CRACD: variants seen among roughly 807,000 people sequenced by gnomAD.
CRACD encodes capping protein-inhibiting regulator of actin dynamics.
A neutral mutation model predicts 106.8 loss-of-function variants in CRACD; 56 were observed. The ratio of observed to expected loss-of-function variants is 0.52; its 90% CI spans 0.42 to 0.66. The LOEUF is 0.66. CRACD is among the 30% of genes least tolerant of loss of function. CRACD has a pLI of 0.00. For synonymous variants in CRACD, 754 were observed against 670.8 expected, an observed-to-expected ratio of 1.12 and a Z score of -1.92; for missense variants, 1,730 against 1,623.2, an observed-to-expected ratio of 1.07 and a Z score of -1.13.
At chr4:56,138,710 G>A (rs1426455519) in intron 1 of CRACD, among the ~76,000 whole-genome samples, 3 of 152,148 alleles carry the variant, frequency 2.0e-5, no homozygotes, top group Admixed American at 6.5e-5. Flanking sequence ...TTATCATCCC[G>A]CATCAGGAGA....
At chr4:56,092,798 A>G (rs1303595926) in intron 1 of CRACD, among the ~76,000 whole-genome samples, 1 of 152,034 alleles carries the variant, frequency 6.6e-6, no homozygotes, top group East Asian at 1.9e-4. Flanking sequence ...GTAGAGTCAG[A>G]GTCTTGTGAT....
At chr4:56,235,353 A>G (rs770332981) in intron 2 of CRACD, among the ~76,000 whole-genome samples, 1 of 152,232 alleles carries the variant, frequency 6.6e-6, no homozygotes. Flanking sequence ...ATTTTGTGAG[A>G]TGTCTACGGG....
intron 2 of CRACD, among the ~76,000 whole-genome samples, chr4:56,238,887 GTAGT>G (rs1175286062): frequency 1.3e-5 from 2 of 152,114 alleles, no homozygotes; most frequent in Non-Finnish European, 2.9e-5. Flanking sequence ...CCTGAAATTT[GTAGT>G]TAGAGTTTTA....
chr4:56,216,048 C>G (rs1056881608), intron 2 of CRACD: 1 of 152,246 alleles, frequency 6.6e-6, no homozygotes, highest in Non-Finnish European at 1.5e-5. Context: ...CCCAGCTCCT[C>G]CCTTGCTTGT....
intron 1 of CRACD, among the ~76,000 whole-genome samples, chr4:56,152,585 T>G (rs1241278716): frequency 6.6e-6 from 1 of 151,928 alleles, no homozygotes; most frequent in African/African-American, 2.4e-5. Flanking sequence ...AAAAAAGCAT[T>G]AATGCAGTAT....
In CRACD at chr4:56,096,561, A is replaced by G. The variant is rs935800340; in HGVS notation, c.-336+47262A>G. Among the ~76,000 whole-genome samples the G allele has an allele frequency of 3.3e-5, 5 of 152,272 alleles. No individual in the cohort carries two copies. The East Asian group carries it at 5.8e-4, about 18-fold the overall frequency. On this transcript the variant is annotated intron_variant, in intron 1 of 10. Transcript: ENST00000682029. ...AACCCCATCTCTACCAAAAAATGCA[A>G]AAATTAGCTGCACGTGGTGGAGTGC...
At chr4:56,114,034 T>A (rs1460645366) in intron 1 of CRACD, among the ~76,000 whole-genome samples, 1 of 151,926 alleles carries the variant, frequency 6.6e-6, no homozygotes, top group Non-Finnish European at 1.5e-5. Context: ...AGTATGTTCA[T>A]CATAAGTAAC....
intron 1 of CRACD, among the ~76,000 whole-genome samples, chr4:56,096,017 T>A (rs761314140): frequency 6.6e-6 from 1 of 152,080 alleles, no homozygotes; most frequent in Non-Finnish European, 1.5e-5. Context: ...GTCTGAGCTA[T>A]TAGAAGGGTG....
rs35832943 is a variant in CRACD at position 56,161,767 on chromosome 4, A to ATTT, written c.-335-17505_-335-17503dup. ...GAGCCACTGCACCTAGCCAAAGAGC[A>ATTT]TTTTTTTTTTTTTTGAGATGGAGTC... On this transcript the variant is annotated intron_variant, in intron 1 of 10. Coordinates refer to ENST00000682029, the MANE Select transcript of CRACD (RefSeq NM_001393381.1). Among the ~76,000 whole-genome samples the ATTT allele has an allele frequency of 2.3e-4, 32 of 141,360 alleles. 1 individual carries two copies. Among genetic ancestry groups the ATTT allele is most frequent in the East Asian group, 4.3e-4 (2 of 4,620 alleles). 92.7% of individuals were successfully genotyped at this position (141,360 alleles called of 152,430 possible).
intron 1 of CRACD, among the ~76,000 whole-genome samples, chr4:56,094,894 C>A (rs1427471365): frequency 1.3e-5 from 2 of 152,014 alleles, no homozygotes; most frequent in Non-Finnish European, 2.9e-5. Context: ...ATACACTTAC[C>A]ACCTAGATTT....
chr4:56,280,135 G>T lies in CRACD; in HGVS notation c.-17+7643G>T, dbSNP rs199700884. The stretch of plus-strand genomic sequence containing the variant: ...AGGAAGGGGAACATCACACACTGGG[G>T]CCTGTTGTGGGGTGGGGGGAGGGGG... On this transcript the variant is annotated intron_variant, in intron 3 of 10. Coordinates refer to ENST00000682029, the MANE Select transcript of CRACD (RefSeq NM_001393381.1). Among the ~76,000 whole-genome samples, 67 of 118,964 alleles carry T rather than the reference G, an allele frequency of 5.6e-4. No individual in the cohort carries two copies. In the East Asian group the frequency reaches 0.016, roughly 28 times the overall value. The allele number at this position is 118,964 out of a possible 152,430, so 78.0% of individuals were successfully genotyped here.
intron 2 of CRACD, among the ~76,000 whole-genome samples, chr4:56,213,967 G>T (rs1738533919): frequency 6.6e-6 from 1 of 152,180 alleles, no homozygotes; most frequent in Non-Finnish European, 1.5e-5. Context: ...AAGCCTGAAT[G>T]GTCTCATTCA....
chr4:56,076,504 A>G (rs1475823115), intron 1 of CRACD, among the ~76,000 whole-genome samples: 1 of 152,208 alleles, frequency 6.6e-6, no homozygotes, highest in Admixed American at 6.5e-5. Context: ...TACCATTTGC[A>G]AAAGAATTTA....
chr4:56,214,371 G>T (rs1475307185), intron 2 of CRACD, among the ~76,000 whole-genome samples: 1 of 150,256 alleles, frequency 6.7e-6, no homozygotes, highest in Non-Finnish European at 1.5e-5. Flanking sequence ...AAGGTGGGCA[G>T]ATCATGAGGT....
chr4:56,321,329 C>G (rs1257835958), intron 8 of CRACD: 2 of 155,260 alleles, frequency 1.3e-5, no homozygotes, highest in Admixed American at 1.3e-4. Flanking sequence ...GTACTGCAAC[C>G]ACTATCTTCC....
intron 3 of CRACD, among the ~76,000 whole-genome samples, chr4:56,284,090 T>C (rs1456186559): frequency 6.6e-6 from 1 of 152,042 alleles, no homozygotes; most frequent in South Asian, 2.1e-4. Context: ...CGCTTTCCAT[T>C]GTGATCTCTC....
chr4:56,211,503 G>A (rs1738404474), intron 2 of CRACD, among the ~76,000 whole-genome samples: 1 of 152,330 alleles, frequency 6.6e-6, no homozygotes, highest in Middle Eastern at 3.4e-3. Flanking sequence ...CTGAGTTCTT[G>A]TCCCACATCC....
At position 56,070,588 on chromosome 4, in the gene CRACD, G is replaced by C. The variant is rs549128127; in HGVS notation, c.-336+21289G>C. ...AGGCGTGAGCCACCTTGCCCGGCCC[G>C]AGTCCTTGCCCATTTTAACAGCTCT... On this transcript the variant is annotated intron_variant, in intron 1 of 10. Transcript: ENST00000682029. 2.0e-3 allele frequency among the ~76,000 whole-genome samples: 302 copies of C among 152,178 alleles called. 1 individual carries two copies. Among genetic ancestry groups the C allele is most frequent in the African/African-American group, 7.0e-3 (292 of 41,538 alleles).
At chr4:56,225,081 A>G (rs916209091) in intron 2 of CRACD, among the ~76,000 whole-genome samples, 7 of 152,124 alleles carry the variant, frequency 4.6e-5, no homozygotes, top group Admixed American at 4.6e-4. Flanking sequence ...TTCTCTCAAC[A>G]TGGTTATTTA....
Sources: gnomAD v4.1 joint callset for allele counts (sites outside exome capture counted in the v4.1 genomes callset) on GRCh38, gnomAD v4.1.1 for gene constraint, MANE v1.5 for transcripts, NCBI Gene and HGNC (gene_info 2026-07-23, HGNC 2026-07-21) for gene names.